Variants in GOLGB1 observed in about 807,000 individuals in gnomAD.
GOLGB1 encodes golgin B1, also known as golgin subfamily B member 1.
A neutral mutation model predicts 336.9 loss-of-function variants in GOLGB1; 174 were observed. That is an observed-to-expected ratio of 0.52 (90% CI 0.46 to 0.59). GOLGB1 has a LOEUF of 0.59. Ranked by LOEUF, GOLGB1 falls within the 20% of genes least tolerant of loss-of-function variation. The pLI is 0.00. For missense variants in GOLGB1, 3,331 were observed against 3,645.3 expected (o/e 0.91, Z 2.22); for synonymous variants, 1,208 against 1,289.2 (o/e 0.94, Z 1.35).
At chr3:121,715,288 C>T (rs976255220) in intron 9 of GOLGB1, among the ~76,000 whole-genome samples, 1 of 150,128 alleles carries the variant, frequency 6.7e-6, no homozygotes, top group African/African-American at 2.5e-5. Context: ...ACTGTAACCT[C>T]TGACTCATGG....
At position 121,690,861 on chromosome 3, in the gene GOLGB1, G is replaced by C. The variant is rs770384251; in HGVS notation, c.8503C>G (p.Gln2835Glu). ...LSSQLEDSYN[Q>E]VQSFSKAMAS... is the part of the protein sequence containing the mutation. ...ATAGCCTTGGAAAAGGACTGCACTT[G>C]GTTATAAGAATCTTCTAGTTGTGAG... The change falls in exon 14 of 22, where the codon CAA (glutamine) becomes GAA (glutamate). Residue 2835 changes from glutamine to glutamate, a missense_variant. Physicochemically the swap from Gln to Glu is conservative, Grantham distance 29. Transcript: ENST00000614479. 6.2e-7 allele frequency: 1 copy of C among 1,613,994 alleles called. No individual in the cohort carries two copies. The highest frequency in any genetic ancestry group is 1.7e-5 in the Admixed American group (1 of 60,004).
intron 1 of GOLGB1, among the ~76,000 whole-genome samples, chr3:121,732,797 T>C (rs1396513839): frequency 6.6e-6 from 1 of 152,172 alleles, no homozygotes; most frequent in Non-Finnish European, 1.5e-5. Context: ...AAACTGAATG[T>C]TCTCACCATA....
chr3:121,698,812 T>C lies in GOLGB1; in HGVS notation c.1711A>G (p.Met571Val), dbSNP rs933137471. The part of the protein sequence containing the change: ...HKELSVLLLE[M>V]KEAQEEIAFL... ...GCAATTTCCTCTTGAGCTTCTTTCA[T>C]TTCCAACAATAAAACTGATAATTCT... The change falls in exon 13 of 22, where the codon ATG (methionine) becomes GTG (valine). Residue 571 changes from methionine (M) to valine (V), a missense_variant. By Grantham distance (21) the Met-to-Val change is conservative (BLOSUM62 1). Transcript: ENST00000614479. 1 of 1,613,550 alleles carries C rather than the reference T, an allele frequency of 6.2e-7. No homozygotes were observed. Among genetic ancestry groups the C allele is most frequent in the Non-Finnish European group, 8.5e-7 (1 of 1,179,604 alleles).
chr3:121,720,912 G>A (rs780009853), intron 6 of GOLGB1, among the ~76,000 whole-genome samples: 2 of 151,932 alleles, frequency 1.3e-5, no homozygotes, highest in Non-Finnish European at 2.9e-5. Context: ...AACCTCTTTC[G>A]CCTTCCAAAA....
intron 10 of GOLGB1, among the ~76,000 whole-genome samples, chr3:121,707,637 T>TAA (rs1298773229): frequency 2.1e-5 from 2 of 94,464 alleles, no homozygotes; most frequent in Non-Finnish European, 2.3e-5. Flanking sequence ...TGTCTCTTAC[T>TAA]AAAAAAAAAA....
At chr3:121,688,265 C>T (rs1219042171) in intron 14 of GOLGB1, among the ~76,000 whole-genome samples, 9 of 152,234 alleles carry the variant, frequency 5.9e-5, no homozygotes, top group Non-Finnish European at 1.2e-4. Flanking sequence ...GCTGCCATCT[C>T]GGCTCACTGC....
Position 121,683,053 on chromosome 3 carries a change from A to ATTTTTTTTT in GOLGB1, c.8695-1197_8695-1189dup, listed in dbSNP as rs746649684. On this transcript the variant is annotated intron_variant, in intron 14 of 21. Transcript: ENST00000614479. ...GCTGCTTAAGAAGCAATTTCTTTTAATTTTTTTTTTTTTTTTTTTTTTTTT... is the reference window on the plus strand; with the variant it reads ...GCTGCTTAAGAAGCAATTTCTTTTAATTTTTTTTTTTTTTTTTTTTTTTTTTTTTTTTTT... Among the ~76,000 whole-genome samples the ATTTTTTTTT allele has an allele frequency of 6.8e-4, 56 of 82,494 alleles. 6 individuals carry two copies. Among genetic ancestry groups the ATTTTTTTTT allele is most frequent in the Non-Finnish European group, 9.6e-4 (40 of 41,530 alleles). The allele number at this position is 82,494 out of a possible 152,430, so 54.1% of individuals were successfully genotyped here. A position where few individuals can be genotyped will look rare whatever the true frequency, so the allele number is the denominator to read the frequency against.
At chr3:121,667,378 A>G in intron 20 of GOLGB1, 98 bp downstream of exon 20, 1 of 1,308,056 alleles carries the variant, frequency 7.6e-7, no homozygotes, top group African/African-American at 1.5e-5. Flanking sequence ...TCAAGATGAG[A>G]AAAAGATCTT....
intron 1 of GOLGB1, among the ~76,000 whole-genome samples, chr3:121,734,402 A>AC (rs891090109): frequency 7.2e-5 from 11 of 151,732 alleles, no homozygotes; most frequent in African/African-American, 1.7e-4. Flanking sequence ...GAAAAAAAAA[A>AC]AAAAAAAAAC....
rs771004514 is a variant in GOLGB1 at position 121,664,943 on chromosome 3, T to C, written c.9643A>G (p.Ser3215Gly). The change falls in exon 21 of 22, where the codon AGC becomes GGC. Residue 3215 changes from serine (S) to glycine (G), a missense_variant. Coordinates refer to ENST00000614479, the MANE Select transcript of GOLGB1 (RefSeq NM_001366282.2). Reference protein sequence around the residue: ...QEQALLIDLTSNSCRRTRSGV... With the variant: ...QEQALLIDLTGNSCRRTRSGV... ...CCTCTTACCCTTCGACAACTGTTGC[T>C]TGTAAGATCTATTAACAGTGCCTGC... The C allele has an allele frequency of 1.0e-5, 16 of 1,596,590 alleles. 1 individual carries two copies. The South Asian group carries it at 1.7e-4, about 17-fold the overall frequency.
rs1371448810 is a variant in GOLGB1, at chr3:121,722,372, T to C, written c.538A>G (p.Thr180Ala). The change falls in exon 6 of 22, where the codon ACA (threonine) becomes GCA (alanine). Residue 180 changes from threonine to alanine, a missense_variant. Thr to Ala is a moderately conservative substitution (Grantham distance 58). Coordinates refer to ENST00000614479, the MANE Select transcript of GOLGB1 (RefSeq NM_001366282.2). ...ATCATTACAAATTCTTCCATCTCTG[T>C]AGAACTCTTATCAAACCGAAGACAT... ...AQAEQPAQSS[T>A]EMEEFVMMKQ... is the part of the protein sequence containing the mutation. The C allele has an allele frequency of 3.2e-6, 5 of 1,553,936 alleles. No individual in the cohort carries two copies. Among genetic ancestry groups the C allele is most frequent in the East Asian group, 2.2e-5 (1 of 44,628 alleles).
chr3:121,692,513 C>T lies in GOLGB1; in HGVS notation c.6851G>A (p.Cys2284Tyr). Residue 2284 changes from cysteine to tyrosine, a missense_variant, in exon 14 of 22, where the codon TGT becomes TAT. By Grantham distance (194) the Cys-to-Tyr change is radical. Transcript: ENST00000614479. ...TTTGTTTTCCCCCTGTAGAGTATCA[C>T]AGACCTTCTGCTGAAGCTGGACCTC... ...QTEVQLQQKV[C>Y]DTLQGENKEL... 1 of 1,612,650 alleles carries T rather than the reference C, an allele frequency of 6.2e-7. No homozygotes were observed. Among genetic ancestry groups the T allele is most frequent in the South Asian group, 1.1e-5 (1 of 90,584 alleles).
At chr3:121,699,011 C>T (rs1943181294) in intron 12 of GOLGB1, 82 bp from the exon 13 acceptor site, 1 of 1,070,314 alleles carries the variant, frequency 9.3e-7, no homozygotes, top group Admixed American at 2.6e-5. Flanking sequence ...ACTTGTATTT[C>T]ATCTTCTAAA....
chr3:121,748,465 G>C (rs1264638681), intron 1 of GOLGB1, among the ~76,000 whole-genome samples: 1 of 152,166 alleles, frequency 6.6e-6, no homozygotes, highest in Admixed American at 6.5e-5. Flanking sequence ...AACATTAAAT[G>C]GTCATTCTGT....
chr3:121,705,626 C>T (rs752580123), intron 10 of GOLGB1, among the ~76,000 whole-genome samples: 2 of 152,054 alleles, frequency 1.3e-5, no homozygotes, highest in Non-Finnish European at 2.9e-5. Flanking sequence ...GGCTGCAGTT[C>T]GCAGAATAGA....
intron 1 of GOLGB1, among the ~76,000 whole-genome samples, chr3:121,736,587 A>C (rs1399717397): frequency 6.6e-6 from 1 of 152,172 alleles, no homozygotes; most frequent in Non-Finnish European, 1.5e-5. Context: ...CAGATTAGAG[A>C]AGACAAGGAG....
intron 1 of GOLGB1, among the ~76,000 whole-genome samples, chr3:121,732,711 C>T (rs1946198499): frequency 6.6e-6 from 1 of 152,102 alleles, no homozygotes; most frequent in South Asian, 2.1e-4. Flanking sequence ...TCTCAGCAAA[C>T]TAAGAAGTGA....
intron 1 of GOLGB1, 34 bp downstream of exon 1, chr3:121,749,598 C>A (rs1947620750): frequency 6.6e-6 from 1 of 152,230 alleles, no homozygotes; most frequent in Admixed American, 6.5e-5. Context: ...ATTGGACTCG[C>A]AGAGGGAAGA....
chr3:121,692,964 T>C (rs975366010), intron 13 of GOLGB1, among the ~76,000 whole-genome samples: 5 of 152,220 alleles, frequency 3.3e-5, no homozygotes, highest in African/African-American at 9.6e-5. Flanking sequence ...AAATCTGTTT[T>C]AGAACAGAAG....
Sources: gnomAD v4.1 joint callset for allele counts (sites outside exome capture counted in the v4.1 genomes callset) on GRCh38, gnomAD v4.1.1 for gene constraint, MANE v1.5 for transcripts, NCBI Gene and HGNC (gene_info 2026-07-23, HGNC 2026-07-21) for gene names.